The following ZMAT4 variants were observed in gnomAD, a reference collection of about 807,000 sequenced individuals.
ZMAT4 encodes zinc finger matrin-type 4.
Under a neutral mutation model 28.7 loss-of-function variants are expected in ZMAT4, and 17 were observed. The ratio of observed to expected loss-of-function variants is 0.59; its 90% CI spans 0.41 to 0.89. ZMAT4 has a LOEUF of 0.89. ZMAT4 is among the 40% of genes least tolerant of loss of function. The pLI is 0.00. For synonymous variants in ZMAT4, 117 were observed against 109.2 expected (o/e 1.07, Z -0.44); for missense variants, 240 against 283.8 (o/e 0.85, Z 1.11).
intron 1 of ZMAT4, among the ~76,000 whole-genome samples, chr8:40,893,687 C>T (rs1025421327): frequency 5.3e-5 from 8 of 152,206 alleles, no homozygotes; most frequent in East Asian, 3.9e-4. Flanking sequence ...ATTTTACGTC[C>T]GGGGGTACAT....
intron 3 of ZMAT4, among the ~76,000 whole-genome samples, chr8:40,749,767 G>A (rs769069913): frequency 1.3e-5 from 2 of 152,272 alleles, no homozygotes; most frequent in African/African-American, 2.4e-5. Context: ...CATCAAAGGC[G>A]GCCACAGGGA....
intron 2 of ZMAT4, among the ~76,000 whole-genome samples, chr8:40,808,976 TG>T (rs1464104167): frequency 1.3e-5 from 2 of 152,296 alleles, no homozygotes; most frequent in East Asian, 3.9e-4. Flanking sequence ...CTAGGACTGC[TG>T]GGTCGATTAT....
At chr8:40,584,172 G>T (rs147539951) in intron 5 of ZMAT4, among the ~76,000 whole-genome samples, 2 of 152,158 alleles carry the variant, frequency 1.3e-5, no homozygotes, top group Admixed American at 6.5e-5. Flanking sequence ...GAATCAATTC[G>T]CACTTCCTGC....
chr8:40,647,384 G>A (rs1363326955), intron 5 of ZMAT4, among the ~76,000 whole-genome samples: 3 of 152,280 alleles, frequency 2.0e-5, no homozygotes, highest in South Asian at 2.1e-4. Flanking sequence ...AAAACACGGC[G>A]CACCACAAGA....
At chr8:40,627,381 CACAT>C (rs1159422705) in intron 5 of ZMAT4, among the ~76,000 whole-genome samples, 1 of 152,130 alleles carries the variant, frequency 6.6e-6, no homozygotes, top group Non-Finnish European at 1.5e-5. Flanking sequence ...CACAAACAGA[CACAT>C]ACACACAAAC....
chr8:40,764,187 T>C (rs190529572), intron 3 of ZMAT4, among the ~76,000 whole-genome samples: 1 of 152,184 alleles, frequency 6.6e-6, no homozygotes, highest in African/African-American at 2.4e-5. Flanking sequence ...AAAATTTCTC[T>C]AAGGCAATTG....
chr8:40,710,077 G>C (rs1191413919), intron 3 of ZMAT4, among the ~76,000 whole-genome samples: 7 of 150,010 alleles, frequency 4.7e-5, no homozygotes, highest in Non-Finnish European at 1.0e-4. Context: ...GGTAGTCTGA[G>C]ATATATACAT....
intron 2 of ZMAT4, among the ~76,000 whole-genome samples, chr8:40,789,740 C>T (rs1424508044): frequency 2.0e-5 from 3 of 152,088 alleles, no homozygotes; most frequent in Non-Finnish European, 2.9e-5. Flanking sequence ...GTACTCTGAC[C>T]CACAAACTGT....
intron 1 of ZMAT4, among the ~76,000 whole-genome samples, chr8:40,858,564 TG>T (rs1817379790): frequency 6.6e-6 from 1 of 152,204 alleles, no homozygotes; most frequent in African/African-American, 2.4e-5. Context: ...TTCATTTCTT[TG>T]GGTCTTAGAG....
intron 3 of ZMAT4, among the ~76,000 whole-genome samples, chr8:40,738,365 G>A (rs959432232): frequency 6.6e-6 from 1 of 152,208 alleles, no homozygotes; most frequent in Non-Finnish European, 1.5e-5. Context: ...TAGAAGGCAG[G>A]ATACCTTGTC....
chr8:40,564,028 C>G (rs778666344), intron 6 of ZMAT4, among the ~76,000 whole-genome samples: 87 of 152,146 alleles, frequency 5.7e-4, no homozygotes, highest in Non-Finnish European at 1.2e-3. Flanking sequence ...TCAGAGACCA[C>G]ACATCTAATC....
chr8:40,858,810 T>C (rs1034516003), intron 1 of ZMAT4, among the ~76,000 whole-genome samples: 1 of 152,156 alleles, frequency 6.6e-6, no homozygotes, highest in African/African-American at 2.4e-5. Context: ...CTGCCCCTGG[T>C]CCTCCATATC....
intron 2 of ZMAT4, among the ~76,000 whole-genome samples, chr8:40,783,625 T>C (rs1328559675): frequency 1.3e-5 from 2 of 152,034 alleles, no homozygotes; most frequent in Non-Finnish European, 2.9e-5. Flanking sequence ...AAAACTACTA[T>C]AAATAACTAC....
intron 1 of ZMAT4, among the ~76,000 whole-genome samples, chr8:40,864,583 G>C (rs913973535): frequency 1.3e-5 from 2 of 152,134 alleles, no homozygotes; most frequent in African/African-American, 4.8e-5. Context: ...CCCCAGTTGT[G>C]GCAGTGATGA....
intron 6 of ZMAT4, among the ~76,000 whole-genome samples, chr8:40,550,582 G>C (rs374524131): frequency 6.6e-6 from 1 of 152,072 alleles, no homozygotes; most frequent in Admixed American, 6.5e-5. Context: ...AAGGTAATTG[G>C]ATCATGAGGG....
intron 5 of ZMAT4, among the ~76,000 whole-genome samples, chr8:40,618,875 T>C (rs1806106201): frequency 6.6e-6 from 1 of 152,170 alleles, no homozygotes; most frequent in Admixed American, 6.5e-5. Flanking sequence ...TGCAAAAACT[T>C]TCTTCTAGAA....
intron 2 of ZMAT4, among the ~76,000 whole-genome samples, chr8:40,820,300 G>A (rs1815709585): frequency 1.3e-5 from 2 of 151,322 alleles, no homozygotes; most frequent in Admixed American, 1.3e-4. Context: ...GTGTATGTGT[G>A]TGCGGGTGTG....
intron 1 of ZMAT4, among the ~76,000 whole-genome samples, chr8:40,851,908 A>C (rs1817120831): frequency 6.6e-6 from 1 of 151,866 alleles, no homozygotes; most frequent in Non-Finnish European, 1.5e-5. Context: ...ATTTTATTTT[A>C]TTTTTTGAGA....
intron 2 of ZMAT4, chr8:40,786,723 G>A (rs1255374072): frequency 1.6e-6 from 2 of 1,289,142 alleles, no homozygotes; most frequent in East Asian, 5.6e-5. Context: ...TCTTCAGTGT[G>A]ACATCTTCTT....
Sources: allele counts gnomAD v4.1 joint callset (sites outside exome capture counted in the v4.1 genomes callset), GRCh38; gene constraint gnomAD v4.1.1; transcripts MANE v1.5; gene names NCBI Gene and HGNC (gene_info 2026-07-23, HGNC 2026-07-21).